Variants in TENM4 observed in about 807,000 individuals in gnomAD.
TENM4 encodes teneurin-4.
In TENM4, 82 loss-of-function variants were observed where a neutral mutation model predicts 243.3. The observed-to-expected ratio is 0.34, with a 90% CI of 0.28 to 0.40. TENM4 has a LOEUF of 0.40. TENM4 is among the 10% of genes least tolerant of loss of function. The pLI is 1.00. For missense variants in TENM4, 3,138 were observed against 3,673.3 expected, an observed-to-expected ratio of 0.85 and a Z score of 3.77; for synonymous variants, 1,412 against 1,456.3, an observed-to-expected ratio of 0.97 and a Z score of 0.69.
intron 2 of TENM4, among the ~76,000 whole-genome samples, chr11:79,218,798 T>C (rs1864106092): frequency 6.6e-6 from 1 of 152,202 alleles, no homozygotes; most frequent in South Asian, 2.1e-4. Context: ...AAAATGCTCA[T>C]TTGTTGCTGG....
At chr11:78,879,745 G>A (rs1296730070) in intron 9 of TENM4, among the ~76,000 whole-genome samples, 2 of 151,704 alleles carry the variant, frequency 1.3e-5, no homozygotes, top group South Asian at 2.1e-4. Flanking sequence ...CCCTGTCTGC[G>A]AAGTGGGGAG....
intron 1 of TENM4, among the ~76,000 whole-genome samples, chr11:79,399,134 A>G (rs759533433): frequency 2.9e-4 from 44 of 152,258 alleles, no homozygotes; most frequent in Admixed American, 7.8e-4. Flanking sequence ...ACAGCCCCAG[A>G]TCTCACCCAC....
intron 18 of TENM4, among the ~76,000 whole-genome samples, chr11:78,762,121 A>T (rs1227747110): frequency 6.6e-6 from 1 of 152,212 alleles, no homozygotes; most frequent in Non-Finnish European, 1.5e-5. Context: ...TTCCAGCAAG[A>T]GCTCTGAGCC....
chr11:78,796,394 GA>G (rs1857160541), intron 15 of TENM4, among the ~76,000 whole-genome samples: 1 of 152,120 alleles, frequency 6.6e-6, no homozygotes, highest in Non-Finnish European at 1.5e-5. Flanking sequence ...AACACAACCT[GA>G]CCCCCACTAA....
intron 1 of TENM4, among the ~76,000 whole-genome samples, chr11:79,390,926 T>C (rs756822436): frequency 2.6e-5 from 4 of 152,262 alleles, no homozygotes; most frequent in Non-Finnish European, 5.9e-5. Context: ...ACAGTATGTA[T>C]TCAATAATGC....
At chr11:79,262,035 G>A (rs1855807463) in intron 2 of TENM4, among the ~76,000 whole-genome samples, 1 of 152,152 alleles carries the variant, frequency 6.6e-6, no homozygotes, top group Non-Finnish European at 1.5e-5. Context: ...TTTTCTTGAG[G>A]CAGAGACCAT....
intron 1 of TENM4, among the ~76,000 whole-genome samples, chr11:79,384,916 A>T (rs972050906): frequency 1.1e-4 from 14 of 123,074 alleles, no homozygotes; most frequent in African/African-American, 3.2e-4. Flanking sequence ...ACAGAGCAAG[A>T]CTCCGTCTCA....
intron 2 of TENM4, among the ~76,000 whole-genome samples, chr11:79,295,665 G>A (rs1345394124): frequency 1.3e-5 from 2 of 152,120 alleles, no homozygotes; most frequent in Non-Finnish European, 2.9e-5. Context: ...GAGGGCAGGT[G>A]AAGGGGAAAA....
At chr11:79,225,164 G>A (rs755850443) in intron 2 of TENM4, among the ~76,000 whole-genome samples, 14 of 152,220 alleles carry the variant, frequency 9.2e-5, no homozygotes, top group Middle Eastern at 3.4e-3. Context: ...GAGACAATAC[G>A]TTTCCAGTGT....
intron 2 of TENM4, among the ~76,000 whole-genome samples, chr11:79,230,645 C>G (rs1864356834): frequency 6.6e-6 from 1 of 152,162 alleles, no homozygotes; most frequent in Non-Finnish European, 1.5e-5. Flanking sequence ...AAACAAATAG[C>G]AAATCACTTT....
chr11:78,824,078 A>G (rs1857796568), intron 12 of TENM4, among the ~76,000 whole-genome samples: 2 of 152,150 alleles, frequency 1.3e-5, no homozygotes, highest in African/African-American at 4.8e-5. Flanking sequence ...ACTCCTACCT[A>G]ACCTAGGGAT....
chr11:78,904,764 G>A (rs558349505), intron 6 of TENM4, among the ~76,000 whole-genome samples: 3 of 152,310 alleles, frequency 2.0e-5, no homozygotes, highest in South Asian at 4.1e-4. Context: ...CGTAGACTTG[G>A]AGCAGGTAAG....
chr11:78,952,840 G>C (rs972604490), intron 6 of TENM4, among the ~76,000 whole-genome samples: 1 of 152,146 alleles, frequency 6.6e-6, no homozygotes, highest in Non-Finnish European at 1.5e-5. Flanking sequence ...GGGCAACTGG[G>C]TAAGAGAGGT....
intron 4 of TENM4, among the ~76,000 whole-genome samples, chr11:79,084,697 G>A (rs564115800): frequency 8.5e-5 from 13 of 152,158 alleles, no homozygotes; most frequent in African/African-American, 3.1e-4. Context: ...TGGTAGTTAG[G>A]GGGTTAGGGA....
At chr11:78,949,557 G>A (rs1000406043) in intron 6 of TENM4, among the ~76,000 whole-genome samples, 3 of 152,208 alleles carry the variant, frequency 2.0e-5, no homozygotes, top group African/African-American at 7.2e-5. Flanking sequence ...TTATTCAGAA[G>A]CAAATGTAGG....
Position 78,855,786 on chromosome 11 carries a change from T to G in TENM4, c.1470+178A>C, listed in dbSNP as rs188803470. Among the ~76,000 whole-genome samples the G allele has an allele frequency of 3.4e-3, 524 of 152,302 alleles. 2 individuals are homozygous for G. The highest frequency in any genetic ancestry group is 5.6e-3 in the Non-Finnish European group (383 of 68,030). Reference sequence around the variant, plus strand: ...ATTCTTTCCTCCTAGAAAGCCCCAGTGATATAACCTTACTCATCTGAAAGG... The same window carrying G: ...ATTCTTTCCTCCTAGAAAGCCCCAGGGATATAACCTTACTCATCTGAAAGG... On this transcript the variant is annotated intron_variant, in intron 11 of 33. Coordinates refer to ENST00000278550, the MANE Select transcript of TENM4 (RefSeq NM_001098816.3).
chr11:79,356,745 TTATTG>T (rs1271116538), intron 1 of TENM4, among the ~76,000 whole-genome samples: 1 of 147,224 alleles, frequency 6.8e-6, no homozygotes, highest in African/African-American at 2.4e-5. Flanking sequence ...GATGGAAGTG[TTATTG>T]TATTGGGTAA....
intron 9 of TENM4, among the ~76,000 whole-genome samples, chr11:78,864,530 C>T (rs371125272): frequency 4.0e-5 from 6 of 149,852 alleles, no homozygotes; most frequent in African/African-American, 9.9e-5. Context: ...GACCATAAGG[C>T]GCAAAAGAAT....
In TENM4 at chr11:79,106,368, G is replaced by T. The variant is rs565408459; in HGVS notation, c.-65-36359C>A. ...AGTGGAAAAAGGCTGCTTAGGGACA[G>T]GCAGTCCCAGGCTGGGGTCCTTGTG... On this transcript the variant is annotated intron_variant, in intron 4 of 33. Transcript: ENST00000278550. Among the ~76,000 whole-genome samples, 9 of 152,362 alleles carry T rather than the reference G, an allele frequency of 5.9e-5. No individual in the cohort carries two copies. In the East Asian group the frequency reaches 1.7e-3, roughly 29 times the overall value.
Sources: allele counts gnomAD v4.1 joint callset (sites outside exome capture counted in the v4.1 genomes callset), GRCh38; gene constraint gnomAD v4.1.1; transcripts MANE v1.5; gene names NCBI Gene and HGNC (gene_info 2026-07-23, HGNC 2026-07-21).